The following AUTS2 variants were observed in gnomAD, a reference collection of about 807,000 sequenced individuals.
AUTS2 encodes the protein activator of transcription and developmental regulator AUTS2, also known as autism susceptibility gene 2 protein.
Under a neutral mutation model 112.4 loss-of-function variants are expected in AUTS2, and 17 were observed. The ratio of observed to expected loss-of-function variants is 0.15; its 90% CI spans 0.10 to 0.23. AUTS2 has a LOEUF of 0.23. AUTS2 is among the 10% of genes least tolerant of loss of function. AUTS2 has a pLI of 1.00. For synonymous variants in AUTS2, 751 were observed against 702.7 expected (o/e 1.07, Z -1.09); for missense variants, 1,510 against 1,701.6 (o/e 0.89, Z 1.98).
intron 1 of AUTS2, among the ~76,000 whole-genome samples, chr7:69,612,528 T>G (rs1181786335): frequency 6.6e-6 from 1 of 152,064 alleles, no homozygotes; most frequent in Non-Finnish European, 1.5e-5. Context: ...GGCGCAGTCA[T>G]GGCTCACTGC....
At chr7:70,629,927 G>A (rs1361874637) in intron 5 of AUTS2, among the ~76,000 whole-genome samples, 1 of 152,138 alleles carries the variant, frequency 6.6e-6, no homozygotes, top group East Asian at 1.9e-4. Context: ...TTGGAGTCGT[G>A]TAGTCCATAT....
chr7:70,469,907 T>C (rs1351112350), intron 5 of AUTS2, among the ~76,000 whole-genome samples: 1 of 152,198 alleles, frequency 6.6e-6, no homozygotes. Context: ...CCCAAAGTAC[T>C]GGGATTACAG....
At chr7:70,628,586 C>G (rs534276307) in intron 5 of AUTS2, among the ~76,000 whole-genome samples, 2 of 151,984 alleles carry the variant, frequency 1.3e-5, no homozygotes, top group East Asian at 1.9e-4. Context: ...CCCCCTCCCC[C>G]CCAAAAAATC....
At chr7:70,426,130 A>G (rs1795428090) in intron 4 of AUTS2, among the ~76,000 whole-genome samples, 1 of 152,180 alleles carries the variant, frequency 6.6e-6, no homozygotes, top group Non-Finnish European at 1.5e-5. Flanking sequence ...ATAGTTATAT[A>G]TGAAGGATAA....
chr7:69,602,048 GTGTGTGTGTGTGTGTGTGTGT>G lies in AUTS2; in HGVS notation c.309+2087_309+2107del, dbSNP rs1562750316. Among the ~76,000 whole-genome samples, 8 of 23,294 alleles carry G rather than the reference GTGTGTGTGTGTGTGTGTGTGT, an allele frequency of 3.4e-4. No individual in the cohort carries two copies. In the East Asian group the frequency reaches 0.013, roughly 37 times the overall value. 15.3% of individuals were successfully genotyped at this position (23,294 alleles called of 152,430 possible). A position where few individuals can be genotyped will look rare whatever the true frequency, so the allele number is the denominator to read the frequency against. On this transcript the variant is annotated intron_variant, in intron 1 of 18. Coordinates refer to ENST00000342771, the MANE Select transcript of AUTS2 (RefSeq NM_015570.4). ...TATATATATATATATATATGTGTGT[GTGTGTGTGTGTGTGTGTGTGT>G]GTGTGTGTGTGTGTGTGTGTGTGTA...
intron 2 of AUTS2, among the ~76,000 whole-genome samples, chr7:70,100,043 G>A (rs1562692407): frequency 1.3e-5 from 2 of 152,138 alleles, no homozygotes; most frequent in South Asian, 2.1e-4. Context: ...CTGTATTCCA[G>A]TTTTAGGAGG....
intron 5 of AUTS2, among the ~76,000 whole-genome samples, chr7:70,683,028 A>T (rs1369423049): frequency 1.3e-5 from 2 of 152,226 alleles, no homozygotes; most frequent in African/African-American, 2.4e-5. Context: ...ATTCATCAAA[A>T]CAGTCACACG....
At chr7:69,979,647 AC>A (rs1404418781) in intron 2 of AUTS2, among the ~76,000 whole-genome samples, 1 of 152,228 alleles carries the variant, frequency 6.6e-6, no homozygotes, top group Non-Finnish European at 1.5e-5. Context: ...GAGGAAGACT[AC>A]AGGCAGCAAT....
chr7:69,678,457 T>G (rs1796661389), intron 1 of AUTS2, among the ~76,000 whole-genome samples: 1 of 152,146 alleles, frequency 6.6e-6, no homozygotes, highest in African/African-American at 2.4e-5. Context: ...TAAAATAATT[T>G]TATGGTAAGT....
At chr7:69,813,132 C>A (rs181117369) in intron 1 of AUTS2, among the ~76,000 whole-genome samples, 1 of 152,242 alleles carries the variant, frequency 6.6e-6, no homozygotes, top group East Asian at 1.9e-4. Flanking sequence ...GATTAATCCT[C>A]TCTGACCCTT....
At chr7:70,647,185 A>C (rs551413750) in intron 5 of AUTS2, among the ~76,000 whole-genome samples, 1 of 152,186 alleles carries the variant, frequency 6.6e-6, no homozygotes, top group Non-Finnish European at 1.5e-5. Context: ...AAGGAGCCCA[A>C]ACTCAAATCT....
At chr7:70,582,653 G>GTT (rs916230135) in intron 5 of AUTS2, among the ~76,000 whole-genome samples, 2 of 152,204 alleles carry the variant, frequency 1.3e-5, no homozygotes, top group African/African-American at 4.8e-5. Context: ...AGAATGCTGA[G>GTT]TTTTGTTAAT....
Position 69,919,945 on chromosome 7 carries a change from A to T in AUTS2, c.522+20447A>T, listed in dbSNP as rs191438316. On this transcript the variant is annotated intron_variant, in intron 2 of 18. Transcript: ENST00000342771. ...ATGCTGTGCACATGGTTATTAGACT[A>T]CTGTAGATACCAGTGGGTACATTAG... is the stretch of plus-strand genomic sequence containing the variant. Among the ~76,000 whole-genome samples, 323 of 152,196 alleles carry T rather than the reference A, an allele frequency of 2.1e-3. 1 individual carries two copies. Among genetic ancestry groups the T allele is most frequent in the African/African-American group, 7.3e-3 (305 of 41,506 alleles).
chr7:69,725,595 T>TTTGGGG (rs1290282863), intron 1 of AUTS2, among the ~76,000 whole-genome samples: 1 of 152,114 alleles, frequency 6.6e-6, no homozygotes, highest in African/African-American at 2.4e-5. Context: ...GTTTGCTCCT[T>TTTGGGG]TTGGGGTCCT....
chr7:69,906,113 T>G (rs766343659), intron 2 of AUTS2, among the ~76,000 whole-genome samples: 7 of 152,224 alleles, frequency 4.6e-5, no homozygotes, highest in Non-Finnish European at 1.0e-4. Context: ...GATTGAAGAA[T>G]GAGGGAGCAC....
chr7:70,301,072 T>A (rs1789187462), intron 4 of AUTS2, among the ~76,000 whole-genome samples: 1 of 152,230 alleles, frequency 6.6e-6, no homozygotes. Context: ...TCTATATTTC[T>A]TTCTTAAAAT....
intron 1 of AUTS2, among the ~76,000 whole-genome samples, chr7:69,677,385 A>G (rs558255313): frequency 3.9e-5 from 6 of 152,306 alleles, no homozygotes; most frequent in African/African-American, 1.4e-4. Context: ...TTGTGTTCTG[A>G]TAGTTTGAAA....
chr7:70,698,470 G>A (rs552747625), intron 5 of AUTS2, 99 bp from the exon 6 acceptor site: 10 of 1,084,370 alleles, frequency 9.2e-6, no homozygotes, highest in East Asian at 4.9e-5. Flanking sequence ...CTAGGCTTTC[G>A]TAAAATGTAG....
Position 70,473,298 on chromosome 7 carries a change from G to A in AUTS2, c.690+37517G>A, listed in dbSNP as rs1003172892. 3.3e-5 allele frequency among the ~76,000 whole-genome samples: 5 copies of A among 152,268 alleles called. No individual in the cohort carries two copies. The East Asian group carries it at 7.7e-4, about 23-fold the overall frequency. On this transcript the variant is annotated intron_variant, in intron 5 of 18. Transcript: ENST00000342771. ...ATTTCAGCATGTAACCAGAGTAAAC[G>A]TTAGCCTGTTTTAAATAAGCCATAA...
Sources: allele counts gnomAD v4.1 joint callset (sites outside exome capture counted in the v4.1 genomes callset), GRCh38; gene constraint gnomAD v4.1.1; transcripts MANE v1.5; gene names NCBI Gene and HGNC (gene_info 2026-07-23, HGNC 2026-07-21).